The following CADM2 variants were observed in gnomAD, a reference collection of about 807,000 sequenced individuals.
CADM2 encodes cell adhesion molecule 2.
CADM2 carries 12 observed loss-of-function variants against 49.8 expected under a neutral mutation model. The ratio of observed to expected loss-of-function variants is 0.24; its 90% CI spans 0.15 to 0.39. The LOEUF (loss-of-function observed/expected upper bound fraction) is 0.39. Ranked by LOEUF, CADM2 falls within the 10% of genes least tolerant of loss-of-function variation. The pLI, the probability that CADM2 is intolerant of heterozygous loss-of-function variation, is 1.00. For synonymous variants in CADM2, 214 were observed against 175.4 expected (o/e 1.22, Z -1.74); for missense variants, 378 against 492.3 (o/e 0.77, Z 2.20).
chr3:85,733,726 C>T (rs747811088), intron 2 of CADM2, among the ~76,000 whole-genome samples: 11 of 152,064 alleles, frequency 7.2e-5, no homozygotes, highest in Non-Finnish European at 1.5e-4. Flanking sequence ...AGCATTGCTA[C>T]TTTAAGTTTG....
At chr3:85,574,778 AG>A (rs1255254341) in intron 1 of CADM2, among the ~76,000 whole-genome samples, 1 of 152,154 alleles carries the variant, frequency 6.6e-6, no homozygotes, top group African/African-American at 2.4e-5. Context: ...TTCAAATTAG[AG>A]GACTCTATCA....
intron 1 of CADM2, among the ~76,000 whole-genome samples, chr3:85,709,320 G>A (rs1260929586): frequency 6.6e-6 from 1 of 152,050 alleles, no homozygotes; most frequent in Admixed American, 6.6e-5. Flanking sequence ...ATTTAAGCAG[G>A]CTAAACTGCT....
At chr3:85,887,122 C>T (rs1398773008) in intron 5 of CADM2, among the ~76,000 whole-genome samples, 1 of 152,096 alleles carries the variant, frequency 6.6e-6, no homozygotes, top group Non-Finnish European at 1.5e-5. Flanking sequence ...GGGTCTTGCT[C>T]TGTCACGCAG....
chr3:86,018,042 AACAGTCCCCAGAGTGTG>A (rs1732555099), intron 8 of CADM2, among the ~76,000 whole-genome samples: 1 of 105,494 alleles, frequency 9.5e-6, no homozygotes, highest in African/African-American at 3.6e-5. Flanking sequence ...CCCACCCCAC[AACAGTCCCCAGAGTGTG>A]ATATTCCCCT....
rs181561193 is a variant in CADM2 at position 85,527,771 on chromosome 3, C to G, written c.62-198751C>G. Reference sequence around the variant, plus strand: ...AGAAGCCTGGCAAATGCCATAACTACTCTTAAAATCACATCCTGCTATTTT... The same window carrying G: ...AGAAGCCTGGCAAATGCCATAACTAGTCTTAAAATCACATCCTGCTATTTT... On this transcript the variant is annotated intron_variant, in intron 1 of 9. Transcript: ENST00000383699. Among the ~76,000 whole-genome samples the G allele has an allele frequency of 6.6e-5, 10 of 152,296 alleles. No individual in the cohort carries two copies. In the East Asian group the frequency reaches 1.9e-3, roughly 29 times the overall value.
At chr3:85,125,299 T>A (rs993631201) in intron 1 of CADM2, among the ~76,000 whole-genome samples, 2 of 152,064 alleles carry the variant, frequency 1.3e-5, no homozygotes, top group African/African-American at 2.4e-5. Flanking sequence ...TTAGAAAAAA[T>A]TCATGTAAGT....
At chr3:85,399,826 G>A (rs2035004902) in intron 1 of CADM2, among the ~76,000 whole-genome samples, 1 of 152,182 alleles carries the variant, frequency 6.6e-6, no homozygotes, top group South Asian at 2.1e-4. Flanking sequence ...TTTGTATCCT[G>A]AGACTTTTCT....
At chr3:85,581,215 C>T (rs2062786663) in intron 1 of CADM2, among the ~76,000 whole-genome samples, 1 of 151,992 alleles carries the variant, frequency 6.6e-6, no homozygotes, top group Non-Finnish European at 1.5e-5. Context: ...TTTCAATGTG[C>T]TCTTTCATTC....
At chr3:85,171,805 A>T (rs972051115) in intron 1 of CADM2, among the ~76,000 whole-genome samples, 5 of 152,238 alleles carry the variant, frequency 3.3e-5, no homozygotes, top group South Asian at 2.1e-4. Context: ...GATTTCAAAT[A>T]AAACAATTTA....
intron 8 of CADM2, among the ~76,000 whole-genome samples, chr3:85,982,378 CCT>C (rs369008756): frequency 3.3e-5 from 5 of 151,552 alleles, no homozygotes; most frequent in African/African-American, 1.2e-4. Context: ...AAAACCAATC[CCT>C]CTTTTTTAAC....
At chr3:85,942,248 C>T (rs1178816699) in intron 7 of CADM2, among the ~76,000 whole-genome samples, 5 of 152,118 alleles carry the variant, frequency 3.3e-5, no homozygotes, top group African/African-American at 1.2e-4. Context: ...GCCTGCCCTA[C>T]AAGAGCTCCT....
At chr3:85,066,917 T>C (rs970617553) in intron 1 of CADM2, among the ~76,000 whole-genome samples, 1 of 152,168 alleles carries the variant, frequency 6.6e-6, no homozygotes, top group Non-Finnish European at 1.5e-5. Flanking sequence ...TTGTTTATTA[T>C]CTCTTATCCC....
intron 1 of CADM2, among the ~76,000 whole-genome samples, chr3:85,224,257 C>T: frequency 6.6e-6 from 1 of 152,152 alleles, no homozygotes. Context: ...ACAACCTTTC[C>T]AACATCTGTC....
chr3:85,329,677 A>G (rs1448499998), intron 1 of CADM2, among the ~76,000 whole-genome samples: 2 of 152,176 alleles, frequency 1.3e-5, no homozygotes, highest in African/African-American at 4.8e-5. Context: ...TAAAGTAAGT[A>G]TGTATTTATA....
At chr3:85,296,313 C>T (rs1163332509) in intron 1 of CADM2, among the ~76,000 whole-genome samples, 1 of 151,938 alleles carries the variant, frequency 6.6e-6, no homozygotes, top group African/African-American at 2.4e-5. Flanking sequence ...ATATGTACTA[C>T]ATATGATTTG....
intron 1 of CADM2, among the ~76,000 whole-genome samples, chr3:85,649,395 G>A (rs1387077764): frequency 6.6e-6 from 1 of 152,150 alleles, no homozygotes; most frequent in Non-Finnish European, 1.5e-5. Flanking sequence ...AAATATGGCT[G>A]AGATATGCAT....
At chr3:85,943,847 A>G (rs9713674) in intron 7 of CADM2, among the ~76,000 whole-genome samples, 105,905 of 151,930 alleles carry the variant, frequency 0.7, 38,525 homozygotes, top group African/African-American at 0.92. Context: ...ATTGATGCTA[A>G]GTAGAAACTG....
chr3:85,284,684 G>A (rs1053199143), intron 1 of CADM2, among the ~76,000 whole-genome samples: 3 of 152,088 alleles, frequency 2.0e-5, no homozygotes, highest in Admixed American at 1.3e-4. Flanking sequence ...GGTCAATAGT[G>A]ATCAAGTGAG....
chr3:86,036,518 A>ACTCT (rs1003417767), intron 8 of CADM2, among the ~76,000 whole-genome samples: 4 of 151,450 alleles, frequency 2.6e-5, no homozygotes, highest in African/African-American at 9.7e-5. Context: ...CTTTTCCTAG[A>ACTCT]CTCTCTCTCT....
Sources: gnomAD v4.1 joint callset for allele counts (sites outside exome capture counted in the v4.1 genomes callset) on GRCh38, gnomAD v4.1.1 for gene constraint, MANE v1.5 for transcripts, NCBI Gene and HGNC (gene_info 2026-07-23, HGNC 2026-07-21) for gene names.